Variants in CEMIP observed in about 807,000 individuals in gnomAD.
CEMIP encodes the protein cell migration-inducing and hyaluronan-binding protein.
A neutral mutation model predicts 156.9 loss-of-function variants in CEMIP; 105 were observed. The observed-to-expected ratio is 0.67, with a 90% CI of 0.57 to 0.79. The LOEUF is 0.79. CEMIP is among the 30% of genes least tolerant of loss of function. The pLI, the probability that CEMIP is intolerant of heterozygous loss-of-function variation, is 0.00. For missense variants in CEMIP, 1,457 were observed against 1,769.4 expected, an observed-to-expected ratio of 0.82 and a Z score of 3.17; for synonymous variants, 676 against 668.4, an observed-to-expected ratio of 1.01 and a Z score of -0.17.
chr15:80,788,263 G>A (rs575614992), intron 1 of CEMIP, among the ~76,000 whole-genome samples: 9 of 152,206 alleles, frequency 5.9e-5, no homozygotes, highest in African/African-American at 2.2e-4. Flanking sequence ...TTGAGGTCAG[G>A]AGTTTGAAAT....
chr15:80,862,310 G>C (rs1402905159), intron 1 of CEMIP, among the ~76,000 whole-genome samples: 2 of 152,196 alleles, frequency 1.3e-5, no homozygotes, highest in East Asian at 3.8e-4. Flanking sequence ...TGGTGGACTG[G>C]GAAGGCCAGA....
chr15:80,929,378 T>A (rs1900819109), intron 21 of CEMIP, among the ~76,000 whole-genome samples: 1 of 152,204 alleles, frequency 6.6e-6, no homozygotes, highest in African/African-American at 2.4e-5. Context: ...GTGTTGAATA[T>A]GAGTCAACAG....
At chr15:80,781,986 TTGA>T (rs1251471029) in intron 1 of CEMIP, among the ~76,000 whole-genome samples, 1 of 151,994 alleles carries the variant, frequency 6.6e-6, no homozygotes, top group Non-Finnish European at 1.5e-5. Flanking sequence ...CGAGAACTTG[TTGA>T]TGGAATTGAT....
chr15:80,800,131 A>G (rs1283107213), intron 1 of CEMIP, among the ~76,000 whole-genome samples: 2 of 150,036 alleles, frequency 1.3e-5, no homozygotes, highest in Non-Finnish European at 3.0e-5. Flanking sequence ...TCCCATCTCA[A>G]CCTCCAAAAG....
At position 80,884,332 on chromosome 15, in the gene CEMIP, C is replaced by T; in HGVS notation, c.775C>T (p.His259Tyr). 2 of 1,614,178 alleles carry T rather than the reference C, an allele frequency of 1.2e-6. No individual in the cohort carries two copies. Among genetic ancestry groups the T allele is most frequent in the South Asian group, 2.2e-5 (2 of 91,080 alleles). ...RKAMTKLGSK[H>Y]FLHLGFRHPW... ...GGCGATGACCAAATTGGGAAGCAAA[C>T]ACTTCCTGCACCTTGGATTTAGGTA... is the stretch of plus-strand genomic sequence containing the variant. Residue 259 changes from histidine to tyrosine, a missense_variant, in exon 7 of 30, where the codon CAC (histidine) becomes TAC (tyrosine). Transcript: ENST00000394685.
chr15:80,827,726 G>T (rs2141670125), intron 1 of CEMIP, among the ~76,000 whole-genome samples: 1 of 152,302 alleles, frequency 6.6e-6, no homozygotes, highest in African/African-American at 2.4e-5. Flanking sequence ...ATTAGGAAAG[G>T]ATGCATCTAC....
Position 80,946,688 on chromosome 15 carries a change from G to C in CEMIP, c.3858-277G>C, listed in dbSNP as rs1197499957. ...TTACATCCTCTCCTCTGTTTGGAGA[G>C]AGACATGTAAACGCGGTGAGCCAAG... On this transcript the variant is annotated intron_variant, in intron 28 of 29. Transcript: ENST00000394685. The C allele has an allele frequency of 8.7e-6, 4 of 462,134 alleles. No individual in the cohort carries two copies. The East Asian group carries it at 1.7e-4, about 20-fold the overall frequency. The allele number at this position is 462,134 out of a possible 1,614,324, so 28.6% of individuals were successfully genotyped here. A position where few individuals can be genotyped will look rare whatever the true frequency, so the allele number is the denominator to read the frequency against.
At chr15:80,845,354 C>T (rs1897527262) in intron 1 of CEMIP, among the ~76,000 whole-genome samples, 1 of 152,078 alleles carries the variant, frequency 6.6e-6, no homozygotes, top group Non-Finnish European at 1.5e-5. Flanking sequence ...TCTCTTGAGC[C>T]TGGGAGGTCA....
intron 9 of CEMIP, 29 bp from the exon 10 acceptor site, chr15:80,889,442 T>C: frequency 6.2e-7 from 1 of 1,613,792 alleles, no homozygotes; most frequent in Non-Finnish European, 8.5e-7. Context: ...CAACCTCCTG[T>C]CTGACTGTGC....
chr15:80,817,623 T>TAATAAG (rs1356281749), intron 1 of CEMIP, among the ~76,000 whole-genome samples: 2 of 148,120 alleles, frequency 1.4e-5, no homozygotes, highest in Non-Finnish European at 3.0e-5. Context: ...ATAATAATAA[T>TAATAAG]AATAATAATA....
Position 80,929,064 on chromosome 15 carries a change from G to A in CEMIP, c.2502G>A (p.Lys834=). The change falls in exon 21 of 30, where the codon AAG becomes AAA. Residue 834 remains lysine (K), a synonymous_variant. Coordinates refer to ENST00000394685, the MANE Select transcript of CEMIP (RefSeq NM_001293298.2). ...ACGACGGCTCCAAGCAAGAGATAAA[G>A]AACAGCTTGTTTGTTGGCGAGAGTG... ...PYDDGSKQEI[K]NSLFVGESGN... is the part of the protein sequence containing the mutation. 3 of 1,614,210 alleles carry A rather than the reference G, an allele frequency of 1.9e-6. No homozygotes were observed. The highest frequency in any genetic ancestry group is 2.5e-6 in the Non-Finnish European group (3 of 1,180,034).
At chr15:80,826,827 C>T (rs978390403) in intron 1 of CEMIP, among the ~76,000 whole-genome samples, 1 of 152,154 alleles carries the variant, frequency 6.6e-6, no homozygotes, top group Non-Finnish European at 1.5e-5. Context: ...CTTATTGCCT[C>T]TCACCCAGCC....
chr15:80,804,335 T>C (rs1456383730), intron 1 of CEMIP, among the ~76,000 whole-genome samples: 1 of 152,236 alleles, frequency 6.6e-6, no homozygotes, highest in Non-Finnish European at 1.5e-5. Context: ...GTAAATAATA[T>C]GGCTGCATAG....
At chr15:80,925,532 G>C in intron 18 of CEMIP, 92 bp from the exon 19 acceptor site, 1 of 1,554,500 alleles carries the variant, frequency 6.4e-7, no homozygotes, top group Non-Finnish European at 8.7e-7. Context: ...TGGGCACTGT[G>C]AGTAGAGAGA....
intron 1 of CEMIP, among the ~76,000 whole-genome samples, chr15:80,855,827 C>T (rs1897840583): frequency 6.6e-6 from 1 of 152,198 alleles, no homozygotes; most frequent in Admixed American, 6.5e-5. Flanking sequence ...CCAGCCCGTG[C>T]CTTCTTTTTG....
At chr15:80,898,605 CCTCA>C (rs1319185133) in intron 12 of CEMIP, among the ~76,000 whole-genome samples, 3 of 152,272 alleles carry the variant, frequency 2.0e-5, no homozygotes, top group African/African-American at 4.8e-5. Flanking sequence ...AGAGACAGAG[CCTCA>C]CTATGTTGCC....
chr15:80,880,819 G>A (rs1445632033), intron 5 of CEMIP, 81 bp from the exon 6 acceptor site: 3 of 1,168,622 alleles, frequency 2.6e-6, no homozygotes, highest in Admixed American at 3.4e-5. Context: ...GAGCTGAGCT[G>A]TGACTCCTAG....
In CEMIP at chr15:80,888,768, T is replaced by C; in HGVS notation, c.936T>C (p.Asn312=). 1.2e-6 allele frequency: 2 copies of C among 1,614,170 alleles called. No individual in the cohort carries two copies. Among genetic ancestry groups the C allele is most frequent in the South Asian group, 2.2e-5 (2 of 91,080 alleles). ...LFQTEHGEYF[N]VSLSSEWVQD... is the part of the protein sequence containing the mutation. The stretch of plus-strand genomic sequence containing the variant: ...AGACAGAGCATGGCGAATATTTCAA[T>C]GTTTCTTTGTCCAGTGAGTGGGTTC... Residue 312 remains asparagine, a synonymous_variant, in exon 9 of 30, where the codon AAT becomes AAC. Transcript: ENST00000394685.
intron 16 of CEMIP, among the ~76,000 whole-genome samples, chr15:80,921,330 G>A (rs1900464270): frequency 6.6e-6 from 1 of 152,198 alleles, no homozygotes; most frequent in African/African-American, 2.4e-5. Context: ...TAATACTGGT[G>A]ACCATAGTTA....
Sources: gnomAD v4.1 joint callset for allele counts (sites outside exome capture counted in the v4.1 genomes callset) on GRCh38, gnomAD v4.1.1 for gene constraint, MANE v1.5 for transcripts, NCBI Gene and HGNC (gene_info 2026-07-23, HGNC 2026-07-21) for gene names.